The following HS6ST3 variants were observed in gnomAD, a reference collection of about 807,000 sequenced individuals.
The protein encoded by HS6ST3 is heparan sulfate 6-O-sulfotransferase 3.
In HS6ST3, 12 loss-of-function variants were observed where a neutral mutation model predicts 36.7. The observed-to-expected ratio is 0.33, with a 90% CI of 0.21 to 0.53. HS6ST3 has a LOEUF of 0.53. HS6ST3 is among the 20% of genes least tolerant of loss of function. The pLI, the probability that HS6ST3 is intolerant of heterozygous loss-of-function variation, is 0.95. For synonymous variants in HS6ST3, 240 were observed against 257.5 expected, an observed-to-expected ratio of 0.93 and a Z score of 0.65; for missense variants, 584 against 640.9, an observed-to-expected ratio of 0.91 and a Z score of 0.96.
At chr13:96,491,812 G>A (rs928361068) in intron 1 of HS6ST3, among the ~76,000 whole-genome samples, 2 of 152,070 alleles carry the variant, frequency 1.3e-5, no homozygotes, top group Non-Finnish European at 2.9e-5. Flanking sequence ...CTCATTTTCA[G>A]ATCTCTCAAT....
chr13:96,688,706 CA>C, intron 1 of HS6ST3, among the ~76,000 whole-genome samples: 1 of 152,190 alleles, frequency 6.6e-6, no homozygotes, highest in East Asian at 1.9e-4. Flanking sequence ...ACCTATTTAG[CA>C]TAATGAAATA....
Position 96,827,404 on chromosome 13 carries a change from C to T in HS6ST3, c.708-5086C>T, listed in dbSNP as rs185973304. Among the ~76,000 whole-genome samples, 20 of 152,214 alleles carry T rather than the reference C, an allele frequency of 1.3e-4. No homozygotes were observed. In the East Asian group the frequency reaches 1.7e-3, roughly 13 times the overall value. On this transcript the variant is annotated intron_variant, in intron 1 of 1. Coordinates refer to ENST00000376705, the MANE Select transcript of HS6ST3 (RefSeq NM_153456.4). The stretch of plus-strand genomic sequence containing the variant: ...TCTATGCATATGAGATGGAATTAAA[C>T]GGAACAGAAGGTTCTTCAACCCTAT...
chr13:96,518,610 T>A (rs1015028529), intron 1 of HS6ST3, among the ~76,000 whole-genome samples: 4 of 152,168 alleles, frequency 2.6e-5, no homozygotes, highest in African/African-American at 9.7e-5. Context: ...TCATTTCTAA[T>A]CATTATCAAG....
intron 1 of HS6ST3, among the ~76,000 whole-genome samples, chr13:96,681,730 C>A (rs2056718911): frequency 6.6e-6 from 1 of 152,060 alleles, no homozygotes; most frequent in South Asian, 2.1e-4. Flanking sequence ...TTCCATTACT[C>A]CCACCTCCCC....
chr13:96,280,660 G>T (rs768446827), intron 1 of HS6ST3, among the ~76,000 whole-genome samples: 2 of 152,140 alleles, frequency 1.3e-5, no homozygotes, highest in Non-Finnish European at 2.9e-5. Context: ...CACAAAACCT[G>T]CTGGATGTAT....
At chr13:96,298,277 AAC>A (rs1190414013) in intron 1 of HS6ST3, among the ~76,000 whole-genome samples, 3 of 152,178 alleles carry the variant, frequency 2.0e-5, no homozygotes. Context: ...AAATTAAGTA[AAC>A]AGAGATGCGT....
At chr13:96,091,610 C>T (rs1394244269) in intron 1 of HS6ST3, 41 bp downstream of exon 1, 5 of 1,518,926 alleles carry the variant, frequency 3.3e-6, no homozygotes, top group Non-Finnish European at 4.4e-6. Flanking sequence ...CCCCCCACCC[C>T]CCATCCCTCT....
rs549934750 is a variant in HS6ST3, at chr13:96,370,963, A to G, written c.707+279394A>G. ...TATTACTCTATGCCTGTATTACTAA[A>G]CAATATATTTTTTGGTTTTGCTGGA... On this transcript the variant is annotated intron_variant, in intron 1 of 1. Coordinates refer to ENST00000376705, the MANE Select transcript of HS6ST3 (RefSeq NM_153456.4). Among the ~76,000 whole-genome samples, 3 of 152,348 alleles carry G rather than the reference A, an allele frequency of 2.0e-5. No individual in the cohort carries two copies. The East Asian group carries it at 5.8e-4, about 29-fold the overall frequency.
At chr13:96,352,153 A>G (rs2055187043) in intron 1 of HS6ST3, among the ~76,000 whole-genome samples, 1 of 152,234 alleles carries the variant, frequency 6.6e-6, no homozygotes, top group African/African-American at 2.4e-5. Flanking sequence ...AAAATTGCCA[A>G]TAGGAAGGTG....
chr13:96,704,638 C>T (rs1255509173), intron 1 of HS6ST3, among the ~76,000 whole-genome samples: 1 of 152,100 alleles, frequency 6.6e-6, no homozygotes, highest in South Asian at 2.1e-4. Context: ...TGCAGGTCCT[C>T]TGAAGAGTTG....
intron 1 of HS6ST3, among the ~76,000 whole-genome samples, chr13:96,638,963 C>T (rs900821037): frequency 6.6e-6 from 1 of 151,874 alleles, no homozygotes; most frequent in South Asian, 2.1e-4. Flanking sequence ...ATCATTGAGA[C>T]TTGTTTTATG....
intron 1 of HS6ST3, among the ~76,000 whole-genome samples, chr13:96,686,091 A>T (rs984009164): frequency 1.3e-5 from 2 of 152,010 alleles, no homozygotes; most frequent in African/African-American, 4.8e-5. Context: ...CCAAGGAGGA[A>T]GGCGTTTGCC....
chr13:96,381,267 C>G (rs967897958), intron 1 of HS6ST3, among the ~76,000 whole-genome samples: 1 of 151,996 alleles, frequency 6.6e-6, no homozygotes, highest in Non-Finnish European at 1.5e-5. Context: ...ATAAGCCCAG[C>G]TTTGTATTTA....
intron 1 of HS6ST3, among the ~76,000 whole-genome samples, chr13:96,742,032 A>C (rs1876452621): frequency 6.6e-6 from 1 of 152,130 alleles, no homozygotes; most frequent in African/African-American, 2.4e-5. Context: ...GTCATCTTTA[A>C]AGTTATATGA....
At chr13:96,369,712 A>G (rs978768358) in intron 1 of HS6ST3, among the ~76,000 whole-genome samples, 18 of 152,256 alleles carry the variant, frequency 1.2e-4, no homozygotes, top group East Asian at 7.8e-4. Flanking sequence ...CTGCACATCA[A>G]TCAGTACAAA....
At chr13:96,489,441 C>T (rs1455541251) in intron 1 of HS6ST3, among the ~76,000 whole-genome samples, 1 of 151,452 alleles carries the variant, frequency 6.6e-6, no homozygotes, top group African/African-American at 2.4e-5. Flanking sequence ...AAATAAAAAA[C>T]ATGTTTCTAT....
intron 1 of HS6ST3, among the ~76,000 whole-genome samples, chr13:96,338,247 G>A (rs986433656): frequency 9.9e-5 from 15 of 152,078 alleles, no homozygotes; most frequent in East Asian, 1.9e-4. Flanking sequence ...ACAAATGGCC[G>A]GTGAGCCACG....
At chr13:96,734,368 T>A (rs1876231937) in intron 1 of HS6ST3, among the ~76,000 whole-genome samples, 4 of 152,246 alleles carry the variant, frequency 2.6e-5, no homozygotes. Flanking sequence ...AGCAGTGAGG[T>A]ATGGTGAAAC....
chr13:96,129,151 C>T (rs1289440281), intron 1 of HS6ST3, among the ~76,000 whole-genome samples: 1 of 152,174 alleles, frequency 6.6e-6, no homozygotes, highest in Non-Finnish European at 1.5e-5. Flanking sequence ...ATGCCCAGCT[C>T]CCCTTAAGAG....
Sources: allele counts gnomAD v4.1 joint callset (sites outside exome capture counted in the v4.1 genomes callset), GRCh38; gene constraint gnomAD v4.1.1; transcripts MANE v1.5; gene names NCBI Gene and HGNC (gene_info 2026-07-23, HGNC 2026-07-21).